Variants in RBM39 observed in about 807,000 individuals in gnomAD.
RBM39 encodes the protein RNA binding motif protein 39, also known as RNA-binding protein 39.
In RBM39, 12 loss-of-function variants were observed where a neutral mutation model predicts 79.6. That is an observed-to-expected ratio of 0.15 (90% CI 0.10 to 0.24). RBM39 has a LOEUF of 0.24. Among genes scored for constraint, RBM39 ranks in the 10% least tolerant of loss-of-function variants. RBM39 has a pLI of 1.00. For missense variants in RBM39, 243 were observed against 653.4 expected (o/e 0.37, Z 6.85); for synonymous variants, 185 against 208.4 (o/e 0.89, Z 0.97).
At chr20:35,717,943 C>G (rs1328336488) in intron 9 of RBM39, among the ~76,000 whole-genome samples, 3 of 152,046 alleles carry the variant, frequency 2.0e-5, no homozygotes, top group African/African-American at 2.4e-5. Flanking sequence ...ACTGCGAGCT[C>G]TGCCTCCCGG....
rs56333545 is a variant in RBM39, at chr20:35,705,198, A to G, written c.1413+27T>C. The G allele has an allele frequency of 2.5e-3, 3,271 of 1,335,092 alleles. 43 individuals are homozygous for G. In the East Asian group the frequency reaches 0.04, roughly 16 times the overall value. 82.7% of individuals were successfully genotyped at this position (1,335,092 alleles called of 1,614,324 possible). A position where few individuals can be genotyped will look rare whatever the true frequency, so the allele number is the denominator to read the frequency against. Reference sequence around the variant, plus strand: ...TTAAGGTAGAGACGAACAACCTAACATCATTTATAAAAAAAGATGAAAATA... The same window carrying G: ...TTAAGGTAGAGACGAACAACCTAACGTCATTTATAAAAAAAGATGAAAATA... On this transcript the variant is annotated intron_variant, in intron 15 of 16. Coordinates refer to ENST00000253363, the MANE Select transcript of RBM39 (RefSeq NM_184234.3).
chr20:35,730,001 ATCT>A (rs776431400), intron 4 of RBM39, among the ~76,000 whole-genome samples: 2 of 152,180 alleles, frequency 1.3e-5, no homozygotes, highest in Admixed American at 6.5e-5. Flanking sequence ...TTTCATATAC[ATCT>A]TCTTTTTGAA....
At chr20:35,725,212 ATC>A in intron 6 of RBM39, 57 bp from the exon 7 acceptor site, 2 of 1,223,698 alleles carry the variant, frequency 1.6e-6, no homozygotes, top group Non-Finnish European at 1.2e-6. Context: ...AATAATTTTT[ATC>A]TTTTTTATTT....
chr20:35,703,532 G>A lies in RBM39; in HGVS notation c.*949C>T, dbSNP rs1417754116. 1 of 152,410 alleles carries A rather than the reference G, an allele frequency of 6.6e-6. No homozygotes were observed. The highest frequency in any genetic ancestry group is 1.9e-4 in the East Asian group (1 of 5,196). The allele number at this position is 152,410 out of a possible 1,614,324, so 9.4% of individuals were successfully genotyped here. On this transcript the variant is annotated 3_prime_UTR_variant, in exon 17 of 17. Coordinates refer to ENST00000253363, the MANE Select transcript of RBM39 (RefSeq NM_184234.3). The stretch of plus-strand genomic sequence containing the variant: ...AACATTTTCCCAAGAGGCAAGTACT[G>A]AATTGAGACTAAAAGAAGCTAATTC...
In RBM39 at chr20:35,704,732, C is replaced by T. The variant is rs2035508929; in HGVS notation, c.1428G>A (p.Val476=). 3 of 1,613,588 alleles carry T rather than the reference C, an allele frequency of 1.9e-6. No individual in the cohort carries two copies. The highest frequency in any genetic ancestry group is 1.7e-4 in the Middle Eastern group (1 of 5,854). Residue 476 remains valine, a synonymous_variant, in exon 16 of 17, where the codon GTG becomes GTA. Coordinates refer to ENST00000253363, the MANE Select transcript of RBM39 (RefSeq NM_184234.3). ...DKNSAQGNVY[V]KCPSIAAAIA... is the part of the protein sequence containing the mutation. Reference sequence around the variant, plus strand: ...TAGCTGCAGCAATTGATGGGCACTTCACATACACATTGCCCTACAGAAAAA... The same window carrying T: ...TAGCTGCAGCAATTGATGGGCACTTTACATACACATTGCCCTACAGAAAAA...
intron 10 of RBM39, among the ~76,000 whole-genome samples, chr20:35,714,786 T>C (rs1224833648): frequency 2.0e-5 from 3 of 152,266 alleles, no homozygotes; most frequent in African/African-American, 7.2e-5. Flanking sequence ...GACAAAATAG[T>C]CAATATAATC....
At chr20:35,727,243 G>A (rs2038827190) in intron 6 of RBM39, among the ~76,000 whole-genome samples, 1 of 151,908 alleles carries the variant, frequency 6.6e-6, no homozygotes, top group Admixed American at 6.6e-5. Context: ...CAGCTACTCG[G>A]GAGGCTAACC....
Position 35,731,842 on chromosome 20 carries a change from A to G in RBM39, c.296+99T>C, listed in dbSNP as rs116603109. 2,203 of 1,132,556 alleles carry G rather than the reference A, an allele frequency of 1.9e-3. 32 individuals are homozygous for G. In the African/African-American group the frequency reaches 0.031, roughly 16 times the overall value. 70.2% of individuals were successfully genotyped at this position (1,132,556 alleles called of 1,614,324 possible). Reference sequence around the variant, plus strand: ...TTCAATACTTTTTAACCAATCATTAAAAAAATAAAAATTCACAATTCAAAT... The same window carrying G: ...TTCAATACTTTTTAACCAATCATTAGAAAAATAAAAATTCACAATTCAAAT... On this transcript the variant is annotated intron_variant, in intron 4 of 16. Transcript: ENST00000253363.
rs2040632769 is a variant in RBM39, at chr20:35,742,240, C to G, written c.-313G>C. 6.4e-6 allele frequency: 1 copy of G among 157,130 alleles called. No homozygotes were observed. Among genetic ancestry groups the G allele is most frequent in the South Asian group, 1.5e-4 (1 of 6,462 alleles). 9.7% of individuals were successfully genotyped at this position (157,130 alleles called of 1,614,324 possible). A position where few individuals can be genotyped will look rare whatever the true frequency, so the allele number is the denominator to read the frequency against. On this transcript the variant is annotated 5_prime_UTR_variant, in exon 1 of 17. Transcript: ENST00000253363. ...AAATGGCGGCCGCTGCTTCCCTGTA[C>G]TCACATTCACCAGCACACATACACA...
chr20:35,737,924 C>A (rs1050827663), intron 3 of RBM39, among the ~76,000 whole-genome samples: 2 of 148,918 alleles, frequency 1.3e-5, no homozygotes, highest in Admixed American at 1.4e-4. Flanking sequence ...GAGGCCACAG[C>A]AGGAGGATCA....
At position 35,729,375 on chromosome 20, in the gene RBM39, T is replaced by TAA; in HGVS notation, c.363-12_363-11dup. 6.2e-7 allele frequency: 1 copy of TAA among 1,606,850 alleles called. No individual in the cohort carries two copies. The highest frequency in any genetic ancestry group is 8.5e-7 in the Non-Finnish European group (1 of 1,178,360). On this transcript the variant is annotated splice_polypyrimidine_tract_variant and intron_variant, in intron 5 of 16. Coordinates refer to ENST00000253363, the MANE Select transcript of RBM39 (RefSeq NM_184234.3). ...TCGGGAACGTCGTCTGCTGCAAAGT[T>TAA]AAAAAGTTTCAGAAGTTATCCAAAC... is the stretch of plus-strand genomic sequence containing the variant.
intron 4 of RBM39, chr20:35,731,713 A>G: frequency 1.8e-6 from 1 of 549,832 alleles, no homozygotes; most frequent in Non-Finnish European, 3.2e-6. Context: ...AAACTCTGAT[A>G]GTTTAACAGA....
intron 3 of RBM39, chr20:35,734,049 C>A: frequency 3.7e-6 from 1 of 269,234 alleles, no homozygotes; most frequent in African/African-American, 2.2e-5. Flanking sequence ...AATTCTGTAT[C>A]ATTATCTGGA....
chr20:35,727,794 T>TA (rs1415903385), intron 6 of RBM39, among the ~76,000 whole-genome samples: 4 of 151,972 alleles, frequency 2.6e-5, no homozygotes, highest in African/African-American at 9.7e-5. Context: ...GGATGACAGG[T>TA]GCACACCACC....
chr20:35,734,473 G>C (rs531375684), intron 3 of RBM39: 80 of 233,566 alleles, frequency 3.4e-4, no homozygotes, highest in Non-Finnish European at 6.1e-4. Context: ...AAAACCAAAA[G>C]TCCTAAATAT....
In RBM39 at chr20:35,738,952, C is replaced by A; in HGVS notation, c.101+16G>T. 6.2e-7 allele frequency: 1 copy of A among 1,606,028 alleles called. No individual in the cohort carries two copies. Among genetic ancestry groups the A allele is most frequent in the Non-Finnish European group, 8.5e-7 (1 of 1,172,702 alleles). On this transcript the variant is annotated intron_variant, in intron 3 of 16. Coordinates refer to ENST00000253363, the MANE Select transcript of RBM39 (RefSeq NM_184234.3). The stretch of plus-strand genomic sequence containing the variant: ...AAAGCTCACCACCCTCCCCCAAGCC[C>A]CTTCTTAAAACTCACTTTTTGCTAC...
intron 13 of RBM39, 77 bp from the exon 14 acceptor site, chr20:35,707,278 C>CA: frequency 1.1e-6 from 1 of 898,670 alleles, no homozygotes; most frequent in Non-Finnish European, 1.7e-6. Flanking sequence ...AAAACGAAAC[C>CA]AAAAACCCAC....
At chr20:35,705,186 G>C (rs377408714) in intron 15 of RBM39, 39 bp downstream of exon 15, 166 of 1,226,696 alleles carry the variant, frequency 1.4e-4, no homozygotes, top group Non-Finnish European at 1.9e-4. Flanking sequence ...AGGTAGAGAC[G>C]AACAACCTAA....
At chr20:35,727,909 A>G (rs2038933953) in intron 6 of RBM39, among the ~76,000 whole-genome samples, 1 of 152,032 alleles carries the variant, frequency 6.6e-6, no homozygotes, top group Admixed American at 6.5e-5. Context: ...TCGGCCTTCC[A>G]GAGTGCTGGG....
Sources: gnomAD v4.1 joint callset for allele counts (sites outside exome capture counted in the v4.1 genomes callset) on GRCh38, gnomAD v4.1.1 for gene constraint, MANE v1.5 for transcripts, NCBI Gene and HGNC (gene_info 2026-07-23, HGNC 2026-07-21) for gene names.